The following SPON2 variants were observed in gnomAD, a reference collection of about 807,000 sequenced individuals.
The protein encoded by SPON2 is spondin-2.
SPON2 carries 32 observed loss-of-function variants against 29.9 expected under a neutral mutation model. That is an observed-to-expected ratio of 1.07 (90% CI 0.81 to 1.44). SPON2 has a LOEUF of 1.44. SPON2 is among the 40% of genes most tolerant of loss of function. The pLI is 0.00. For synonymous variants in SPON2, 248 were observed against 209.1 expected, an observed-to-expected ratio of 1.19 and a Z score of -1.61; for missense variants, 541 against 455.5, an observed-to-expected ratio of 1.19 and a Z score of -1.71.
chr4:1,206,634 A>C lies in SPON2; in HGVS notation c.-234+1246T>G, dbSNP rs533744027. 8.3e-4 allele frequency among the ~76,000 whole-genome samples: 127 copies of C among 152,280 alleles called. 1 individual carries two copies. In the Middle Eastern group the frequency reaches 0.01, roughly 12 times the overall value. On this transcript the variant is annotated intron_variant, in intron 1 of 3. Transcript: ENST00000509233. Reference sequence around the variant, plus strand: ...GCGGGCTGAGTGGGGCTCTTGGAATAGAAGGAGCCTCCCCAGGCTCAGCTC... The same window carrying C: ...GCGGGCTGAGTGGGGCTCTTGGAATCGAAGGAGCCTCCCCAGGCTCAGCTC...
upstream of SPON2, among the ~76,000 whole-genome samples, chr4:1,195,842 A>G (rs1250127): frequency 0.96 from 145,710 of 152,226 alleles, 70,056 homozygotes; most frequent in East Asian, 1. Flanking sequence ...GCTGTGTTGC[A>G]CAGGCTGGTT....
chr4:1,195,800 C>T (rs1440330585), upstream of SPON2, among the ~76,000 whole-genome samples: 2 of 152,054 alleles, frequency 1.3e-5, no homozygotes, highest in African/African-American at 4.8e-5. Context: ...CCACACCCAG[C>T]TGATTTTTTT....
At chr4:1,206,552 T>C (rs1728347242) in intron 1 of SPON2, among the ~76,000 whole-genome samples, 1 of 152,112 alleles carries the variant, frequency 6.6e-6, no homozygotes. Context: ...ATGTGTCCCC[T>C]GTGGGAGGGC....
chr4:1,198,614 A>G (rs1345703720), upstream of SPON2, among the ~76,000 whole-genome samples: 1 of 152,020 alleles, frequency 6.6e-6, no homozygotes, highest in East Asian at 1.9e-4. Context: ...ATAGGAACCA[A>G]CGCAGCGTCG....
rs1250159590 is a variant in SPON2, at chr4:1,171,881, C to T, written c.191G>A (p.Arg64His). 4.3e-6 allele frequency: 7 copies of T among 1,612,652 alleles called. No homozygotes were observed. Among genetic ancestry groups the T allele is most frequent in the East Asian group, 2.2e-5 (1 of 44,864 alleles). The change falls in exon 2 of 6, where the codon CGC (arginine) becomes CAC (histidine). Residue 64 changes from arginine (R) to histidine (H), a missense_variant. Coordinates refer to ENST00000290902, the MANE Select transcript of SPON2 (RefSeq NM_012445.4). ...CAGCGAAGACCACTGCGCAGGGGGG[C>T]GGAACAGGGGGTACTGCTTGGGGAA... ...TAFPKQYPLF[R>H]PPAQWSSLLG... is the part of the protein sequence containing the mutation.
Position 1,170,554 on chromosome 4 carries a change from T to C in SPON2, c.659A>G (p.His220Arg). 1.2e-6 allele frequency: 2 copies of C among 1,613,308 alleles called. No homozygotes were observed. Among genetic ancestry groups the C allele is most frequent in the Non-Finnish European group, 1.7e-6 (2 of 1,179,724 alleles). Residue 220 changes from histidine to arginine, a missense_variant, in exon 5 of 6, where the codon CAC (histidine) becomes CGC (arginine). By Grantham distance (29) the His-to-Arg change is conservative (BLOSUM62 0). Coordinates refer to ENST00000290902, the MANE Select transcript of SPON2 (RefSeq NM_012445.4). Reference protein sequence around the residue: ...VTEITSSSPSHPANSFYYPRL... With the variant: ...VTEITSSSPSRPANSFYYPRL... ...CGGGTAGTAGAAGGAGTTGGCCGGG[T>C]GGCTGGGAGAGGAGGACGTTATCTG... is the stretch of plus-strand genomic sequence containing the variant.
chr4:1,202,026 C>T lies in SPON2; in HGVS notation c.-234+5854G>A, dbSNP rs750883224. 3.0e-4 allele frequency among the ~76,000 whole-genome samples: 46 copies of T among 152,220 alleles called. No individual in the cohort carries two copies. The highest frequency in any genetic ancestry group is 6.0e-4 in the Non-Finnish European group (41 of 68,044). The stretch of plus-strand genomic sequence containing the variant: ...TTTTTAGCATGTTCACGAAGTTGTG[C>T]AACCATCCCCACTCATCTCACTCCG... On this transcript the variant is annotated intron_variant, in intron 1 of 3. Transcript: ENST00000509233. The surrounding 1 kb of genome is among the most constrained non-coding windows in gnomAD (Gnocchi z 5.4).
intron 2 of SPON2, among the ~76,000 whole-genome samples, chr4:1,178,386 T>A (rs1727645703): frequency 6.6e-6 from 1 of 151,848 alleles, no homozygotes; most frequent in Non-Finnish European, 1.5e-5. Flanking sequence ...CATGGTCCAG[T>A]GGTTCTCCTG....
chr4:1,188,201 T>A (rs926029113), intron 1 of SPON2, among the ~76,000 whole-genome samples: 974 of 47,708 alleles, frequency 0.02, 1 homozygote, highest in Non-Finnish European at 0.03. Flanking sequence ...AGACTCCGTC[T>A]CAAAAAAAAA....
intron 1 of SPON2, among the ~76,000 whole-genome samples, chr4:1,188,240 T>C (rs1006684569): frequency 6.9e-6 from 1 of 144,600 alleles, no homozygotes; most frequent in East Asian, 2.0e-4. Context: ...ATGACAAATA[T>C]GTTGAAATGA....
chr4:1,171,700 C>G, intron 2 of SPON2, 152 bp downstream of exon 2: 1 of 782,358 alleles, frequency 1.3e-6, no homozygotes, highest in East Asian at 2.5e-5. Flanking sequence ...CCCGGAACCG[C>G]ACACCGCAGG....
intron 1 of SPON2, among the ~76,000 whole-genome samples, chr4:1,190,414 A>AGG (rs1727890424): frequency 6.6e-6 from 1 of 152,346 alleles, no homozygotes; most frequent in South Asian, 2.1e-4. Context: ...CTTCCAAAAT[A>AGG]GGGAACACTT....
At chr4:1,190,916 CTA>C (rs1293195087) in intron 1 of SPON2, among the ~76,000 whole-genome samples, 2 of 152,106 alleles carry the variant, frequency 1.3e-5, no homozygotes, top group African/African-American at 4.8e-5. Flanking sequence ...AACTTGAACA[CTA>C]AAAACTACAA....
intron 1 of SPON2, among the ~76,000 whole-genome samples, chr4:1,204,820 T>C (rs956366354): frequency 6.6e-6 from 1 of 152,190 alleles, no homozygotes; most frequent in African/African-American, 2.4e-5. Flanking sequence ...ATAACAGGTA[T>C]AGATGTGCCC....
At position 1,202,352 on chromosome 4, in the gene SPON2, C is replaced by T. The variant is rs903125919; in HGVS notation, c.-234+5528G>A. Reference sequence around the variant, plus strand: ...TCAGTCCCCACCTCCCGGCACTCCACGGGGTCTAAGTTTCAGCCTGAGCTT... The same window carrying T: ...TCAGTCCCCACCTCCCGGCACTCCATGGGGTCTAAGTTTCAGCCTGAGCTT... On this transcript the variant is annotated intron_variant, in intron 1 of 3. Coordinates refer to the SPON2 transcript ENST00000509233. The surrounding 1 kb of genome is among the most constrained non-coding windows in gnomAD (Gnocchi z 5.4). Among the ~76,000 whole-genome samples, 1 of 152,212 alleles carries T rather than the reference C, an allele frequency of 6.6e-6. No homozygotes were observed. Among genetic ancestry groups the T allele is most frequent in the African/African-American group, 2.4e-5 (1 of 41,446 alleles).
intron 1 of SPON2, chr4:1,201,214 CAA>C (rs373942590): frequency 9.2e-6 from 4 of 432,870 alleles, no homozygotes; most frequent in Non-Finnish European, 1.4e-5. Context: ...TGGGCAGTGA[CAA>C]AGAGGGGGTG....
At chr4:1,188,341 T>A (rs1727844785) in intron 1 of SPON2, among the ~76,000 whole-genome samples, 1 of 148,904 alleles carries the variant, frequency 6.7e-6, no homozygotes, top group Non-Finnish European at 1.5e-5. Flanking sequence ...AAATAGCAAA[T>A]GGTGTGCCTA....
Position 1,167,487 on chromosome 4 carries a change from A to G in SPON2, c.981T>C (p.Pro327=), listed in dbSNP as rs762641598. Residue 327 remains proline (P), a synonymous_variant, in exon 6 of 6, where the codon CCT becomes CCC. Coordinates refer to ENST00000290902, the MANE Select transcript of SPON2 (RefSeq NM_012445.4). The part of the protein sequence containing the change: ...PELEEEAECV[P]DNCV ...GGCTCTGGTCTTAGACGCAGTTATC[A>G]GGGACGCACTCAGCCTCTTCTTCGA... The G allele has an allele frequency of 6.2e-7, 1 of 1,613,308 alleles. No individual in the cohort carries two copies. The highest frequency in any genetic ancestry group is 1.7e-4 in the Middle Eastern group (1 of 5,982).
chr4:1,200,291 C>T (rs997872635), intron 1 of SPON2, among the ~76,000 whole-genome samples: 4 of 151,588 alleles, frequency 2.6e-5, no homozygotes, highest in Admixed American at 1.3e-4. Context: ...GCAGGCTCCA[C>T]GGACAGTTGA....
Sources: gnomAD v4.1 joint callset for allele counts (sites outside exome capture counted in the v4.1 genomes callset) on GRCh38, gnomAD v4.1.1 for gene constraint, Gnocchi (gnomAD v3.1) non-coding constraint, MANE v1.5 for transcripts, NCBI Gene and HGNC (gene_info 2026-07-23, HGNC 2026-07-21) for gene names.